Variants in SLC35A3 observed in about 807,000 individuals in gnomAD.
SLC35A3 encodes UDP-N-acetylglucosamine transporter.
In SLC35A3, 26 loss-of-function variants were observed where a neutral mutation model predicts 39.0. The ratio of observed to expected loss-of-function variants is 0.67; its 90% CI spans 0.49 to 0.92. SLC35A3 has a LOEUF of 0.92. SLC35A3 is among the 40% of genes least tolerant of loss of function. The pLI is 0.00. For synonymous variants in SLC35A3, 135 were observed against 133.1 expected (o/e 1.01, Z -0.10); for missense variants, 299 against 371.6 (o/e 0.80, Z 1.61).
At chr1:99,973,756 C>G (rs2101015915) in intron 1 of SLC35A3, among the ~76,000 whole-genome samples, 1 of 152,286 alleles carries the variant, frequency 6.6e-6, no homozygotes, top group African/African-American at 2.4e-5. Flanking sequence ...GTGGCTCATG[C>G]CTGTAATCCC....
chr1:99,982,610 G>T (rs1383457526), intron 1 of SLC35A3, among the ~76,000 whole-genome samples: 7 of 152,170 alleles, frequency 4.6e-5, no homozygotes, highest in South Asian at 4.1e-4. Context: ...TTTAACTATA[G>T]ATTTTAGTGT....
chr1:99,986,073 A>G (rs1402939841), intron 1 of SLC35A3, among the ~76,000 whole-genome samples: 1 of 151,816 alleles, frequency 6.6e-6, no homozygotes, highest in Non-Finnish European at 1.5e-5. Flanking sequence ...TTTCATTTTG[A>G]GTTTATTCTA....
Position 100,023,708 on chromosome 1 carries a change from C to A in SLC35A3, c.*1232C>A, listed in dbSNP as rs561735. 8,910 of 152,300 alleles carry A rather than the reference C, an allele frequency of 0.059. 342 individuals carry two copies. The highest frequency in any genetic ancestry group is 0.1 in the African/African-American group (4,281 of 41,514). The allele number at this position is 152,300 out of a possible 1,614,324, so 9.4% of individuals were successfully genotyped here. ...AATTTTGAATTCCCTTTCTGTGTTC[C>A]CACAAGAGCTGCTGAGAAGGCCTGG... On this transcript the variant is annotated 3_prime_UTR_variant, in exon 8 of 8. Transcript: ENST00000533028.
At chr1:100,009,507 C>G (rs1659471352) in intron 4 of SLC35A3, 1 of 152,188 alleles carries the variant, frequency 6.6e-6, no homozygotes, top group Admixed American at 6.5e-5. Context: ...TTAGGCTTGA[C>G]TGCTTTTGGC....
At position 100,018,240 on chromosome 1, in the gene SLC35A3, T is replaced by A. The variant is rs561815898; in HGVS notation, c.887+425T>A. Among the ~76,000 whole-genome samples, 256 of 152,290 alleles carry A rather than the reference T, an allele frequency of 1.7e-3. 3 individuals are homozygous for A. The highest frequency in any genetic ancestry group is 5.7e-3 in the African/African-American group (239 of 41,568). Reference sequence around the variant, plus strand: ...CAGGAAGAGCAATCTGGAAAGGAATTGCAGGAGGAGTTATAGGTGAGGAAG... The same window carrying A: ...CAGGAAGAGCAATCTGGAAAGGAATAGCAGGAGGAGTTATAGGTGAGGAAG... On this transcript the variant is annotated intron_variant, in intron 7 of 7. Coordinates refer to ENST00000533028, the MANE Select transcript of SLC35A3 (RefSeq NM_012243.3).
intron 1 of SLC35A3, chr1:99,993,061 GA>G (rs748573209): frequency 1.3e-5 from 2 of 153,220 alleles, no homozygotes; most frequent in African/African-American, 2.4e-5. Flanking sequence ...ATTTTATTCT[GA>G]AAGACTCTTG....
intron 5 of SLC35A3, among the ~76,000 whole-genome samples, chr1:100,013,807 A>G (rs994994134): frequency 7.2e-5 from 11 of 152,128 alleles, no homozygotes; most frequent in Non-Finnish European, 4.4e-5. Context: ...CATTAAAAGG[A>G]TAGAGCTGAC....
In SLC35A3 at chr1:100,029,772, A is replaced by G. The variant is rs1433323836; in HGVS notation, c.*7296A>G. On this transcript the variant is annotated 3_prime_UTR_variant, in exon 8 of 8. Coordinates refer to ENST00000533028, the MANE Select transcript of SLC35A3 (RefSeq NM_012243.3). ...ATACATTGTCATTTTTAATTTTAGA[A>G]TATCTGTCAAATGATTCTGAACATA... 6.6e-6 allele frequency: 1 copy of G among 152,106 alleles called. No individual in the cohort carries two copies. The highest frequency in any genetic ancestry group is 1.5e-5 in the Non-Finnish European group (1 of 68,018). 9.4% of individuals were successfully genotyped at this position (152,106 alleles called of 1,614,324 possible).
rs180704890 is a variant in SLC35A3, at chr1:99,987,328, T to C, written c.-18-6209T>C. On this transcript the variant is annotated intron_variant, in intron 1 of 7. Coordinates refer to ENST00000533028, the MANE Select transcript of SLC35A3 (RefSeq NM_012243.3). ...TTGAGATAGATGATTACAAAGTCTA[T>C]GTATTCTTTCCTCTAAGCTTGATCC... Among the ~76,000 whole-genome samples the C allele has an allele frequency of 2.0e-4, 31 of 152,364 alleles. No individual in the cohort carries two copies. In the East Asian group the frequency reaches 5.6e-3, roughly 27 times the overall value.
In SLC35A3 at chr1:100,011,466, T is replaced by C. The variant is rs150130113; in HGVS notation, c.567T>C (p.Ala189=). The C allele has an allele frequency of 6.3e-7, 1 of 1,579,812 alleles. No individual in the cohort carries two copies. Among genetic ancestry groups the C allele is most frequent in the Non-Finnish European group, 8.6e-7 (1 of 1,156,126 alleles). ...CAGCATGTTTTTCAAGTGGCTTTGC[T>C]GGGGTTTACTTTGAGAAAATCTTAA... The part of the protein sequence containing the change: ...VLTACFSSGF[A]GVYFEKILKE... Residue 189 remains alanine (A), a synonymous_variant, in exon 5 of 8, where the codon GCT becomes GCC. Coordinates refer to ENST00000533028, the MANE Select transcript of SLC35A3 (RefSeq NM_012243.3).
At chr1:100,013,467 G>T (rs1659827223) in intron 5 of SLC35A3, among the ~76,000 whole-genome samples, 1 of 148,456 alleles carries the variant, frequency 6.7e-6, no homozygotes, top group Non-Finnish European at 1.5e-5. Flanking sequence ...AAAAAAATTA[G>T]CTGGGTGTGG....
chr1:100,003,375 C>T (rs1658955635), intron 3 of SLC35A3, among the ~76,000 whole-genome samples: 1 of 137,074 alleles, frequency 7.3e-6, no homozygotes, highest in Non-Finnish European at 1.5e-5. Flanking sequence ...GAGATCACAC[C>T]ATTGCACTCC....
chr1:100,002,412 TGA>T, intron 3 of SLC35A3, among the ~76,000 whole-genome samples: 1 of 152,220 alleles, frequency 6.6e-6, no homozygotes, highest in Non-Finnish European at 1.5e-5. Flanking sequence ...TAGTCTCTAA[TGA>T]TCCTGTGTAA....
intron 1 of SLC35A3, among the ~76,000 whole-genome samples, chr1:99,987,164 A>G (rs1414392879): frequency 6.6e-6 from 1 of 152,254 alleles, no homozygotes; most frequent in Non-Finnish European, 1.5e-5. Context: ...GTCTCCAGTT[A>G]CTAGTAGTGA....
chr1:99,988,977 T>C (rs866457596), intron 1 of SLC35A3, among the ~76,000 whole-genome samples: 1 of 152,004 alleles, frequency 6.6e-6, no homozygotes, highest in African/African-American at 2.4e-5. Context: ...CCCAGGCTGG[T>C]CTCAAACTCC....
chr1:100,022,165 C>G (rs145943762), intron 7 of SLC35A3, among the ~76,000 whole-genome samples: 57 of 152,228 alleles, frequency 3.7e-4, no homozygotes, highest in African/African-American at 1.3e-3. Flanking sequence ...AAAATGAATA[C>G]TAATACATCT....
chr1:100,010,643 T>C (rs760506295), intron 4 of SLC35A3, among the ~76,000 whole-genome samples: 28 of 152,064 alleles, frequency 1.8e-4, no homozygotes, highest in Non-Finnish European at 3.8e-4. Context: ...TGAGCTGTTA[T>C]CATGCACTGC....
intron 1 of SLC35A3, among the ~76,000 whole-genome samples, chr1:99,985,760 T>C (rs1657708658): frequency 1.3e-5 from 2 of 152,226 alleles, no homozygotes; most frequent in Admixed American, 1.3e-4. Context: ...GTTTTGTAGT[T>C]TTCCTTATAG....
At chr1:99,993,431 G>C in intron 1 of SLC35A3, 106 bp from the exon 2 acceptor site, 1 of 824,540 alleles carries the variant, frequency 1.2e-6, no homozygotes, top group East Asian at 2.7e-5. Context: ...GGCAGGTGGA[G>C]GAGAGACCTG....
Sources: gnomAD v4.1 joint callset for allele counts (sites outside exome capture counted in the v4.1 genomes callset) on GRCh38, gnomAD v4.1.1 for gene constraint, MANE v1.5 for transcripts, NCBI Gene and HGNC (gene_info 2026-07-23, HGNC 2026-07-21) for gene names.